The following LMTK2 variants were observed in gnomAD, a reference collection of about 807,000 sequenced individuals.
The protein encoded by LMTK2 is serine/threonine-protein kinase LMTK2.
Under a neutral mutation model 127.5 loss-of-function variants are expected in LMTK2, and 37 were observed. The ratio of observed to expected loss-of-function variants is 0.29; its 90% CI spans 0.22 to 0.38. LMTK2 has a LOEUF of 0.38. LMTK2 is among the 10% of genes least tolerant of loss of function. The pLI is 1.00. For synonymous variants in LMTK2, 819 were observed against 810.1 expected, an observed-to-expected ratio of 1.01 and a Z score of -0.19; for missense variants, 1,694 against 1,920.3, an observed-to-expected ratio of 0.88 and a Z score of 2.20.
intron 2 of LMTK2, among the ~76,000 whole-genome samples, chr7:98,141,004 C>T (rs745535949): frequency 2.0e-5 from 3 of 151,162 alleles, no homozygotes; most frequent in African/African-American, 4.9e-5. Context: ...CTGCAGTGAG[C>T]CATGATCATG....
chr7:98,154,340 A>G (rs188936626), intron 4 of LMTK2, among the ~76,000 whole-genome samples: 24 of 152,348 alleles, frequency 1.6e-4, no homozygotes, highest in African/African-American at 5.8e-4. Context: ...ACTTTCTCAT[A>G]TGTATAGCAG....
At chr7:98,130,498 T>C (rs1796506127) in intron 1 of LMTK2, among the ~76,000 whole-genome samples, 1 of 152,176 alleles carries the variant, frequency 6.6e-6, no homozygotes, top group Non-Finnish European at 1.5e-5. Context: ...GGTTGGATGG[T>C]GTTCCCCCTA....
chr7:98,138,176 G>GA (rs1371976342), intron 2 of LMTK2, among the ~76,000 whole-genome samples: 3 of 152,240 alleles, frequency 2.0e-5, no homozygotes, highest in East Asian at 3.9e-4. Context: ...ACATGGGGGG[G>GA]AGAAGGAAGG....
At chr7:98,137,157 C>T (rs924775015) in intron 1 of LMTK2, among the ~76,000 whole-genome samples, 158 bp from the exon 2 acceptor site, 4 of 152,202 alleles carry the variant, frequency 2.6e-5, no homozygotes, top group African/African-American at 9.6e-5. Context: ...TTCAAAGAAA[C>T]AGCAGCTTCT....
intron 6 of LMTK2, among the ~76,000 whole-genome samples, chr7:98,170,904 C>T (rs374777819): frequency 6.6e-6 from 1 of 152,168 alleles, no homozygotes; most frequent in African/African-American, 2.4e-5. Flanking sequence ...TATTTTCCTG[C>T]TCAGGTTGCT....
Position 98,137,197 on chromosome 7 carries a change from G to A in LMTK2, c.104-118G>A, listed in dbSNP as rs17169359. On this transcript the variant is annotated intron_variant, in intron 1 of 13. Coordinates refer to ENST00000297293, the MANE Select transcript of LMTK2 (RefSeq NM_014916.4). Reference sequence around the variant, plus strand: ...CTGGATGGATCATCAGCTTTTTCTCGAGCATTATTTTATTAACCCTTACAC... The same window carrying A: ...CTGGATGGATCATCAGCTTTTTCTCAAGCATTATTTTATTAACCCTTACAC... 9.2e-3 allele frequency: 8,123 copies of A among 887,588 alleles called. 490 individuals are homozygous for A. In the African/African-American group the frequency reaches 0.12, roughly 13 times the overall value. The allele number at this position is 887,588 out of a possible 1,614,324, so 55.0% of individuals were successfully genotyped here. A position where few individuals can be genotyped will look rare whatever the true frequency, so the allele number is the denominator to read the frequency against.
At chr7:98,108,443 C>G (rs1197650488) in intron 1 of LMTK2, among the ~76,000 whole-genome samples, 5 of 152,152 alleles carry the variant, frequency 3.3e-5, no homozygotes, top group Admixed American at 2.6e-4. Flanking sequence ...TAATTGCTTC[C>G]AGAGCTACAT....
intron 1 of LMTK2, among the ~76,000 whole-genome samples, chr7:98,115,580 C>T (rs1412948389): frequency 4.6e-5 from 7 of 151,814 alleles, no homozygotes; most frequent in African/African-American, 7.3e-5. Flanking sequence ...GAGGCCGAGG[C>T]GGGCGGGTCA....
intron 3 of LMTK2, among the ~76,000 whole-genome samples, chr7:98,150,171 G>A (rs1364008103): frequency 1.3e-5 from 2 of 152,046 alleles, no homozygotes; most frequent in Non-Finnish European, 2.9e-5. Context: ...AGTCGGGCGT[G>A]GTAGCAGGTG....
chr7:98,189,146 G>GT (rs1307456637), intron 9 of LMTK2, among the ~76,000 whole-genome samples: 7 of 152,090 alleles, frequency 4.6e-5, no homozygotes, highest in African/African-American at 1.7e-4. Flanking sequence ...CTTACTGCCT[G>GT]TGAGGACCCC....
intron 1 of LMTK2, among the ~76,000 whole-genome samples, chr7:98,137,050 G>A (rs973977017): frequency 1.3e-5 from 2 of 152,228 alleles, no homozygotes; most frequent in African/African-American, 2.4e-5. Context: ...TCAGCATACT[G>A]TGGTAATGTA....
intron 1 of LMTK2, among the ~76,000 whole-genome samples, chr7:98,112,970 C>G (rs958158294): frequency 6.6e-6 from 1 of 152,190 alleles, no homozygotes; most frequent in Non-Finnish European, 1.5e-5. Context: ...AATCCTCCTG[C>G]CTCAGCCTCC....
At chr7:98,173,298 G>A (rs1797222104) in intron 7 of LMTK2, among the ~76,000 whole-genome samples, 1 of 150,082 alleles carries the variant, frequency 6.7e-6, no homozygotes, top group Admixed American at 6.8e-5. Flanking sequence ...AAATCATTCT[G>A]GTAAAGTGTT....
intron 1 of LMTK2, among the ~76,000 whole-genome samples, chr7:98,121,631 CAA>C (rs568171727): frequency 1.5e-5 from 2 of 132,412 alleles, no homozygotes; most frequent in Non-Finnish European, 1.6e-5. Context: ...GACTCCATCT[CAA>C]AAAAAAAAAA....
chr7:98,202,433 T>C (rs1797717161), intron 11 of LMTK2, among the ~76,000 whole-genome samples: 1 of 152,224 alleles, frequency 6.6e-6, no homozygotes, highest in African/African-American at 2.4e-5. Flanking sequence ...CTGTTGATTG[T>C]CTTTTCCCAG....
chr7:98,151,543 C>G (rs1796855948), intron 4 of LMTK2, 88 bp downstream of exon 4: 1 of 1,097,872 alleles, frequency 9.1e-7, no homozygotes, highest in African/African-American at 1.6e-5. Flanking sequence ...GTGTGGAGTT[C>G]CACGTGCCCT....
At chr7:98,140,725 G>T (rs1796684739) in intron 2 of LMTK2, among the ~76,000 whole-genome samples, 2 of 151,894 alleles carry the variant, frequency 1.3e-5, no homozygotes, top group African/African-American at 4.8e-5. Flanking sequence ...GATTTATTTT[G>T]ATTCAGTATG....
chr7:98,183,205 G>T (rs1234898349), intron 7 of LMTK2, among the ~76,000 whole-genome samples: 2 of 152,118 alleles, frequency 1.3e-5, no homozygotes, highest in Admixed American at 6.6e-5. Context: ...TCCCTTTCTA[G>T]GTCTTTTCTC....
At chr7:98,127,090 T>C (rs1796454972) in intron 1 of LMTK2, among the ~76,000 whole-genome samples, 1 of 152,246 alleles carries the variant, frequency 6.6e-6, no homozygotes, top group South Asian at 2.1e-4. Context: ...TATATTGTTA[T>C]ATTATGGCAA....
Sources: gnomAD v4.1 joint callset for allele counts (sites outside exome capture counted in the v4.1 genomes callset) on GRCh38, gnomAD v4.1.1 for gene constraint, MANE v1.5 for transcripts, NCBI Gene and HGNC (gene_info 2026-07-23, HGNC 2026-07-21) for gene names.